The following EYA1 variants were observed in gnomAD, a reference collection of about 807,000 sequenced individuals.
EYA1 encodes the protein EYA transcriptional coactivator and phosphatase 1.
In EYA1, 16 loss-of-function variants were observed where a neutral mutation model predicts 82.0. The observed-to-expected ratio is 0.20, with a 90% CI of 0.13 to 0.30. The LOEUF (loss-of-function observed/expected upper bound fraction) is 0.30, where lower values mean the gene tolerates loss of function less well. Ranked by LOEUF, EYA1 falls within the 10% of genes least tolerant of loss-of-function variation. The probability of loss-of-function intolerance (pLI) is 1.00; values close to 1 mark genes in which losing one functional copy is unlikely to be tolerated. For missense variants in EYA1, 633 were observed against 730.7 expected (o/e 0.87, Z 1.54); for synonymous variants, 261 against 264.4 (o/e 0.99, Z 0.12).
chr8:71,328,961 G>A (rs1823487160), intron 4 of EYA1, among the ~76,000 whole-genome samples: 1 of 152,130 alleles, frequency 6.6e-6, no homozygotes, highest in African/African-American at 2.4e-5. Context: ...AGCATCTCCT[G>A]TATGCTTGAT....
chr8:71,428,154 A>T (rs1805370397), intron 2 of EYA1, among the ~76,000 whole-genome samples: 1 of 152,142 alleles, frequency 6.6e-6, no homozygotes, highest in Admixed American at 6.5e-5. Context: ...TGATTGATGG[A>T]CTGGAATAGA....
intron 2 of EYA1, among the ~76,000 whole-genome samples, chr8:71,530,701 T>C (rs528595003): frequency 6.6e-6 from 1 of 152,324 alleles, no homozygotes; most frequent in African/African-American, 2.4e-5. Flanking sequence ...AAATAATTAA[T>C]TTTTCCAGTT....
intron 11 of EYA1, among the ~76,000 whole-genome samples, chr8:71,248,610 T>G (rs990823221): frequency 6.6e-6 from 1 of 152,074 alleles, no homozygotes; most frequent in East Asian, 1.9e-4. Context: ...GCAAGCAGAG[T>G]GCAAAGCCAT....
chr8:71,351,398 C>T (rs1826293533), intron 3 of EYA1, among the ~76,000 whole-genome samples: 1 of 152,124 alleles, frequency 6.6e-6, no homozygotes, highest in Non-Finnish European at 1.5e-5. Flanking sequence ...TTCATTTATG[C>T]TACTATTTTC....
At chr8:71,343,177 AC>A (rs1825337845) in intron 3 of EYA1, among the ~76,000 whole-genome samples, 1 of 152,176 alleles carries the variant, frequency 6.6e-6, no homozygotes, top group Non-Finnish European at 1.5e-5. Flanking sequence ...CTCACTAGTT[AC>A]TAGGTAAACT....
intron 14 of EYA1, 91 bp from the exon 15 acceptor site, chr8:71,215,819 T>C: frequency 2.5e-6 from 2 of 791,100 alleles, no homozygotes; most frequent in Non-Finnish European, 4.4e-6. Flanking sequence ...GTACTATGAA[T>C]ACCAGCCTCC....
At chr8:71,474,610 T>C (rs1295763371) in intron 2 of EYA1, among the ~76,000 whole-genome samples, 2 of 152,214 alleles carry the variant, frequency 1.3e-5, no homozygotes, top group Admixed American at 6.5e-5. Flanking sequence ...TGACATCATA[T>C]AAAATTGTGA....
In EYA1 at chr8:71,480,468, CAT is replaced by C. The variant is rs1444409238; in HGVS notation, c.33+55274_33+55275del. On this transcript the variant is annotated intron_variant, in intron 2 of 18. Coordinates refer to the EYA1 transcript ENST00000643681. ...ACTGGTTAAATCACTTGTACACACG[CAT>C]TGTCTTAAAGCATTTCAACAAAATT... 4.6e-5 allele frequency among the ~76,000 whole-genome samples: 7 copies of C among 151,902 alleles called. No homozygotes were observed. In the East Asian group the frequency reaches 1.4e-3, roughly 29 times the overall value.
chr8:71,408,120 C>A (rs962486781), intron 2 of EYA1, among the ~76,000 whole-genome samples: 1 of 151,900 alleles, frequency 6.6e-6, no homozygotes, highest in Non-Finnish European at 1.5e-5. Context: ...TCCAGCCAAA[C>A]TAAGCTTCAT....
At chr8:71,313,025 A>C (rs996605044) in intron 7 of EYA1, among the ~76,000 whole-genome samples, 2 of 152,152 alleles carry the variant, frequency 1.3e-5, no homozygotes, top group African/African-American at 4.8e-5. Context: ...CCCATGACCA[A>C]CAAGGACTTG....
intron 9 of EYA1, among the ~76,000 whole-genome samples, chr8:71,294,015 G>A (rs949170912): frequency 6.7e-6 from 1 of 148,478 alleles, no homozygotes; most frequent in African/African-American, 2.4e-5. Context: ...GATTGTCTAT[G>A]TAGAAAATAT....
chr8:71,507,429 G>T (rs1437781481), intron 2 of EYA1, among the ~76,000 whole-genome samples: 1 of 152,132 alleles, frequency 6.6e-6, no homozygotes, highest in East Asian at 1.9e-4. Flanking sequence ...AACTGTCTTG[G>T]CAAAGCAGTG....
At chr8:71,521,929 A>T (rs1490480428) in intron 2 of EYA1, among the ~76,000 whole-genome samples, 1 of 152,182 alleles carries the variant, frequency 6.6e-6, no homozygotes, top group African/African-American at 2.4e-5. Flanking sequence ...AAACAGGATA[A>T]GTTCCTTGAG....
chr8:71,296,660 G>A (rs7008078), intron 9 of EYA1, among the ~76,000 whole-genome samples: 83,332 of 150,980 alleles, frequency 0.55, 23,423 homozygotes, highest in East Asian at 0.83. Flanking sequence ...AATTATTCCA[G>A]CAAAAAGAGA....
At chr8:71,492,836 T>G (rs537357673) in intron 2 of EYA1, among the ~76,000 whole-genome samples, 68 of 152,324 alleles carry the variant, frequency 4.5e-4, no homozygotes, top group Admixed American at 9.1e-4. Flanking sequence ...CACAGGAGTG[T>G]GCTATGCAGA....
chr8:71,200,353 A>C (rs936067415), intron 17 of EYA1, among the ~76,000 whole-genome samples: 5 of 152,212 alleles, frequency 3.3e-5, no homozygotes, highest in African/African-American at 1.2e-4. Context: ...AAGAGAAATG[A>C]GGGTTTTTGT....
At chr8:71,418,673 C>T (rs913168669) in intron 2 of EYA1, among the ~76,000 whole-genome samples, 6 of 152,124 alleles carry the variant, frequency 3.9e-5, no homozygotes, top group Non-Finnish European at 5.9e-5. Context: ...AACAAATATT[C>T]ATTGAACACC....
At chr8:71,386,307 T>C (rs951881929) in intron 2 of EYA1, among the ~76,000 whole-genome samples, 9 of 152,136 alleles carry the variant, frequency 5.9e-5, no homozygotes, top group East Asian at 1.9e-4. Context: ...GGGGAAGGGA[T>C]AGGGCAAAAT....
chr8:71,406,781 G>A (rs1380358996), intron 2 of EYA1, among the ~76,000 whole-genome samples: 1 of 148,910 alleles, frequency 6.7e-6, no homozygotes, highest in Non-Finnish European at 1.5e-5. Flanking sequence ...CTGCAAGGCG[G>A]CAGCGAGGCT....
Sources: allele counts gnomAD v4.1 joint callset (sites outside exome capture counted in the v4.1 genomes callset), GRCh38; gene constraint gnomAD v4.1.1; transcripts MANE v1.5; gene names NCBI Gene and HGNC (gene_info 2026-07-23, HGNC 2026-07-21).